The following ALG6 variants were observed in gnomAD, a reference collection of about 807,000 sequenced individuals.
ALG6 encodes ALG6 alpha-1,3-glucosyltransferase.
ALG6 carries 46 observed loss-of-function variants against 66.6 expected under a neutral mutation model. That is an observed-to-expected ratio of 0.69 (90% confidence interval 0.55 to 0.88). The LOEUF is 0.88. Ranked by LOEUF, ALG6 falls within the 40% of genes least tolerant of loss-of-function variation. ALG6 has a pLI of 0.00. For synonymous variants in ALG6, 185 were observed against 203.7 expected, an observed-to-expected ratio of 0.91 and a Z score of 0.78; for missense variants, 505 against 586.8, an observed-to-expected ratio of 0.86 and a Z score of 1.44.
chr1:63,368,414 T>TG (rs988606097), intron 1 of ALG6, among the ~76,000 whole-genome samples: 1 of 152,066 alleles, frequency 6.6e-6, no homozygotes, highest in Non-Finnish European at 1.5e-5. Context: ...GTTCTACAAG[T>TG]GGGGAACAGA....
chr1:63,400,321 GTATATATA>G, intron 3 of ALG6, among the ~76,000 whole-genome samples: 1 of 21,720 alleles, frequency 4.6e-5, no homozygotes, highest in South Asian at 1.4e-3. Context: ...ATATATATAC[GTATATATA>G]TATATACGTA....
Sources: gnomAD v4.1 joint callset for allele counts (sites outside exome capture counted in the v4.1 genomes callset) on GRCh38, gnomAD v4.1.1 for gene constraint, MANE v1.5 for transcripts, NCBI Gene and HGNC (gene_info 2026-07-23, HGNC 2026-07-21) for gene names.